Variants in TNFRSF21 observed in about 807,000 individuals in gnomAD.
TNFRSF21 encodes TNF receptor superfamily member 21.
A neutral mutation model predicts 45.6 loss-of-function variants in TNFRSF21; 19 were observed. That is an observed-to-expected ratio of 0.42 (90% CI 0.29 to 0.61). The LOEUF is 0.61. Ranked by LOEUF, TNFRSF21 falls within the 20% of genes least tolerant of loss-of-function variation. TNFRSF21 has a pLI of 0.23. For missense variants in TNFRSF21, 737 were observed against 851.5 expected (o/e 0.87, Z 1.67); for synonymous variants, 314 against 335.5 (o/e 0.94, Z 0.70).
Position 47,286,510 on chromosome 6 carries a change from G to A in TNFRSF21, c.182C>T (p.Thr61Ile). The change falls in exon 2 of 6, where the codon ACC becomes ATC. Residue 61 changes from threonine to isoleucine, a missense_variant. By Grantham distance (89) the Thr-to-Ile change is moderately conservative (BLOSUM62 -1). Coordinates refer to ENST00000296861, the MANE Select transcript of TNFRSF21 (RefSeq NM_014452.5). ...IGTYRHVDRA[T>I]GQVLTCDKCP... ...CTTGTCACAGGTTAGCACCTGGCCG[G>A]TGGCACGGTCAACATGGCGGTATGT... The A allele has an allele frequency of 6.2e-7, 1 of 1,614,196 alleles. No homozygotes were observed. The highest frequency in any genetic ancestry group is 8.5e-7 in the Non-Finnish European group (1 of 1,180,014).
At chr6:47,263,310 G>A (rs1382143091) in intron 3 of TNFRSF21, among the ~76,000 whole-genome samples, 1 of 152,146 alleles carries the variant, frequency 6.6e-6, no homozygotes, top group African/African-American at 2.4e-5. Flanking sequence ...TTAAACATCT[G>A]GGTCTGCCAA....
chr6:47,239,494 G>A (rs181429378), intron 4 of TNFRSF21, among the ~76,000 whole-genome samples: 2 of 152,220 alleles, frequency 1.3e-5, no homozygotes, highest in East Asian at 3.9e-4. Context: ...GACAAGGGTG[G>A]TAGATAAATG....
chr6:47,284,572 T>A, intron 2 of TNFRSF21, 140 bp from the exon 3 acceptor site: 1 of 1,039,552 alleles, frequency 9.6e-7, no homozygotes, highest in Non-Finnish European at 1.3e-6. Context: ...TAAATTGTGT[T>A]GCACATTTTC....
Position 47,260,791 on chromosome 6 carries a change from G to A in TNFRSF21, c.1244-7270C>T, listed in dbSNP as rs572209155. 1.8e-4 allele frequency among the ~76,000 whole-genome samples: 27 copies of A among 152,264 alleles called. No individual in the cohort carries two copies. In the South Asian group the frequency reaches 5.4e-3, roughly 30 times the overall value. ...TGCACAATCAGGCTTCGTGCAGAATGGGTGCATCTAAGAGACAGGTTTATA... is the reference window on the plus strand; with the variant it reads ...TGCACAATCAGGCTTCGTGCAGAATAGGTGCATCTAAGAGACAGGTTTATA... On this transcript the variant is annotated intron_variant, in intron 3 of 5. Transcript: ENST00000296861.
chr6:47,261,335 T>G (rs898070788), intron 3 of TNFRSF21, among the ~76,000 whole-genome samples: 5 of 152,238 alleles, frequency 3.3e-5, no homozygotes, highest in African/African-American at 1.2e-4. Context: ...ACCACACTGC[T>G]TTGACTAGCA....
At chr6:47,283,223 TA>T (rs1762594407) in intron 3 of TNFRSF21, among the ~76,000 whole-genome samples, 2 of 152,178 alleles carry the variant, frequency 1.3e-5, no homozygotes, top group Non-Finnish European at 2.9e-5. Flanking sequence ...ACAAGTTCTA[TA>T]AGCTATTTTT....
At chr6:47,249,052 T>G (rs2113848247) in intron 4 of TNFRSF21, among the ~76,000 whole-genome samples, 1 of 152,328 alleles carries the variant, frequency 6.6e-6, no homozygotes, top group South Asian at 2.1e-4. Flanking sequence ...GACAGGGATT[T>G]AACCCGGCAC....
intron 3 of TNFRSF21, among the ~76,000 whole-genome samples, chr6:47,278,094 G>T (rs1173064892): frequency 6.6e-6 from 1 of 152,122 alleles, no homozygotes; most frequent in East Asian, 1.9e-4. Context: ...AATCAGATGA[G>T]GGATGTCAGC....
At position 47,232,563 on chromosome 6, in the gene TNFRSF21, T is replaced by TA. The variant is rs974795369; in HGVS notation, c.*201dup. The TA allele has an allele frequency of 3.6e-3, 1,769 of 493,550 alleles. No individual in the cohort carries two copies. Among genetic ancestry groups the TA allele is most frequent in the South Asian group, 4.8e-3 (168 of 34,736 alleles). The allele number at this position is 493,550 out of a possible 1,614,324, so 30.6% of individuals were successfully genotyped here. The stretch of plus-strand genomic sequence containing the variant: ...AAACCAACTTCCCAGAAGAGTTATT[T>TA]AAAAAAAAAAGAGAGAGAGAGAAGG... On this transcript the variant is annotated 3_prime_UTR_variant, in exon 6 of 6. Coordinates refer to ENST00000296861, the MANE Select transcript of TNFRSF21 (RefSeq NM_014452.5).
chr6:47,300,651 A>G (rs577471579), intron 1 of TNFRSF21, among the ~76,000 whole-genome samples: 3 of 152,144 alleles, frequency 2.0e-5, no homozygotes, highest in Non-Finnish European at 2.9e-5. Flanking sequence ...GTCCCCATTC[A>G]CTGAGCAGCA....
chr6:47,286,054 G>C lies in TNFRSF21; in HGVS notation c.638C>G (p.Thr213Arg). ...GTKETDNVCGTLPSFSSSTSP... is the reference protein window; with the variant it reads ...GTKETDNVCGRLPSFSSSTSP... Reference sequence around the variant, plus strand: ...GGTGGAGCTGGAGAAGGACGGGAGTGTGCCACAGACGTTGTCTGTCTCCTT... The same window carrying C: ...GGTGGAGCTGGAGAAGGACGGGAGTCTGCCACAGACGTTGTCTGTCTCCTT... The change falls in exon 2 of 6, where the codon ACA (threonine) becomes AGA (arginine). Residue 213 changes from threonine to arginine, a missense_variant. Thr to Arg is a moderately conservative substitution (Grantham distance 71, BLOSUM62 -1). Transcript: ENST00000296861. 6.2e-7 allele frequency: 1 copy of C among 1,614,220 alleles called. No homozygotes were observed. The highest frequency in any genetic ancestry group is 8.5e-7 in the Non-Finnish European group (1 of 1,180,044).
Position 47,272,031 on chromosome 6 carries a change from A to C in TNFRSF21, c.1243+11907T>G, listed in dbSNP as rs184836843. On this transcript the variant is annotated intron_variant, in intron 3 of 5. Coordinates refer to ENST00000296861, the MANE Select transcript of TNFRSF21 (RefSeq NM_014452.5). ...ATTCATAAAGCAAGTCCTTAGAGAC[A>C]TACAAACAGACTTAGACTCCCACAC... Among the ~76,000 whole-genome samples the C allele has an allele frequency of 2.8e-3, 419 of 152,204 alleles. 1 individual carries two copies. The highest frequency in any genetic ancestry group is 9.6e-3 in the African/African-American group (400 of 41,542).
intron 2 of TNFRSF21, among the ~76,000 whole-genome samples, chr6:47,285,597 A>G (rs1762634321): frequency 6.6e-6 from 1 of 152,176 alleles, no homozygotes; most frequent in African/African-American, 2.4e-5. Context: ...AACCTTAAAC[A>G]TCTAAATTAT....
intron 4 of TNFRSF21, among the ~76,000 whole-genome samples, chr6:47,249,562 C>G (rs1380698296): frequency 6.6e-6 from 1 of 151,996 alleles, no homozygotes; most frequent in Non-Finnish European, 1.5e-5. Flanking sequence ...GTTGAAGCTC[C>G]AGGAGGAAGG....
At chr6:47,249,481 A>G (rs1320420603) in intron 4 of TNFRSF21, among the ~76,000 whole-genome samples, 1 of 152,186 alleles carries the variant, frequency 6.6e-6, no homozygotes, top group East Asian at 1.9e-4. Flanking sequence ...ACCAAGAAAA[A>G]CAGAGTTTAC....
rs764623823 is a variant in TNFRSF21, at chr6:47,275,315, C to T, written c.1243+8623G>A. ...TGTGGCACATATACACCATGGAATA[C>T]TATGCAGCCATAAAAAAGATGAGTT... On this transcript the variant is annotated intron_variant, in intron 3 of 5. Transcript: ENST00000296861. 1.8e-3 allele frequency among the ~76,000 whole-genome samples: 269 copies of T among 152,158 alleles called. 1 individual carries two copies. The highest frequency in any genetic ancestry group is 3.3e-3 in the Non-Finnish European group (225 of 68,044).
At chr6:47,268,775 C>G (rs555382203) in intron 3 of TNFRSF21, among the ~76,000 whole-genome samples, 3 of 152,174 alleles carry the variant, frequency 2.0e-5, no homozygotes, top group Non-Finnish European at 2.9e-5. Flanking sequence ...GCAGGTCAGG[C>G]TCTGAGACAT....
intron 1 of TNFRSF21, among the ~76,000 whole-genome samples, chr6:47,297,185 G>A (rs148666812): frequency 0.012 from 1,806 of 152,316 alleles, 23 homozygotes; most frequent in Middle Eastern, 0.058. Flanking sequence ...TGAGCCTTGT[G>A]TGCAAGTAGA....
At chr6:47,245,751 T>G (rs1764815921) in intron 4 of TNFRSF21, among the ~76,000 whole-genome samples, 1 of 152,178 alleles carries the variant, frequency 6.6e-6, no homozygotes, top group African/African-American at 2.4e-5. Flanking sequence ...ATTAGTCAGT[T>G]TTCATACTGC....
Sources: allele counts gnomAD v4.1 joint callset (sites outside exome capture counted in the v4.1 genomes callset), GRCh38; gene constraint gnomAD v4.1.1; transcripts MANE v1.5; gene names NCBI Gene and HGNC (gene_info 2026-07-23, HGNC 2026-07-21).